SRGAP3: variants seen among roughly 807,000 people sequenced by gnomAD.
SRGAP3 encodes SLIT-ROBO Rho GTPase-activating protein 3.
In SRGAP3, 39 loss-of-function variants were observed where a neutral mutation model predicts 121.1. The ratio of observed to expected loss-of-function variants is 0.32; its 90% CI spans 0.25 to 0.42. The LOEUF (loss-of-function observed/expected upper bound fraction) is 0.42. Ranked by LOEUF, SRGAP3 falls within the 10% of genes least tolerant of loss-of-function variation. SRGAP3 has a pLI of 1.00. For synonymous variants in SRGAP3, 601 were observed against 570.0 expected, an observed-to-expected ratio of 1.05 and a Z score of -0.77; for missense variants, 1,213 against 1,470.6, an observed-to-expected ratio of 0.82 and a Z score of 2.86.
chr3:9,349,827 A>C (rs2029986059), intron 1 of SRGAP3: 1 of 152,230 alleles, frequency 6.6e-6, no homozygotes, highest in South Asian at 2.1e-4. Context: ...CCTCATACCA[A>C]CATGGAATAA....
rs781397750 is a variant in SRGAP3 at position 8,992,988 on chromosome 3, C to G, written c.2476G>C (p.Asp826His). The G allele has an allele frequency of 3.1e-6, 5 of 1,614,236 alleles. No individual in the cohort carries two copies. The highest frequency in any genetic ancestry group is 4.2e-6 in the Non-Finnish European group (5 of 1,180,048). ...TCGTTTTTGGAAGAGGCCTTGTCAT[C>G]CAGCAATGGCCCACTGCTGGCCTCG... ...DSEASSGPLL[D>H]DKASSKNDLQ... The change falls in exon 20 of 22, where the codon GAT becomes CAT. Residue 826 changes from aspartate to histidine, a missense_variant. This residue lies in a region of SRGAP3 where 420 missense variants were observed against 437.7 expected (regional missense o/e 0.96). Transcript: ENST00000383836.
At chr3:9,304,150 T>G (rs1359473316) in intron 3 of SRGAP3, among the ~76,000 whole-genome samples, 1 of 152,136 alleles carries the variant, frequency 6.6e-6, no homozygotes, top group Non-Finnish European at 1.5e-5. Flanking sequence ...AACAGTAACT[T>G]CCCCTTCAGC....
At chr3:9,277,607 C>CAAAA (rs35955575) in intron 3 of SRGAP3, among the ~76,000 whole-genome samples, 6 of 59,792 alleles carry the variant, frequency 1.0e-4, no homozygotes, top group African/African-American at 4.5e-4. Context: ...GAAGCCATCT[C>CAAAA]AAAAAAAAAA....
intron 3 of SRGAP3, among the ~76,000 whole-genome samples, chr3:9,280,975 GT>G (rs1242041680): frequency 2.0e-5 from 3 of 152,188 alleles, no homozygotes; most frequent in Non-Finnish European, 2.9e-5. Flanking sequence ...ATTGTTGGGG[GT>G]GGTGGGAGTC....
intron 18 of SRGAP3, chr3:9,006,915 A>T (rs1943107715): frequency 1.3e-5 from 2 of 150,220 alleles, no homozygotes; most frequent in African/African-American, 2.5e-5. Flanking sequence ...GACTTATCAG[A>T]CTCAAGACAG....
chr3:9,079,727 C>T (rs922017041), intron 4 of SRGAP3, among the ~76,000 whole-genome samples: 1 of 152,206 alleles, frequency 6.6e-6, no homozygotes, highest in Non-Finnish European at 1.5e-5. Flanking sequence ...CACACTCCCC[C>T]GGCCTTGACT....
intron 1 of SRGAP3, among the ~76,000 whole-genome samples, chr3:9,170,410 G>A (rs1316995879): frequency 6.6e-6 from 1 of 152,128 alleles, no homozygotes; most frequent in African/African-American, 2.4e-5. Flanking sequence ...GGGGAGCAGC[G>A]GGGTGGGGGC....
chr3:8,993,070 G>T lies in SRGAP3; in HGVS notation c.2409-15C>A, dbSNP rs761249299. On this transcript the variant is annotated splice_polypyrimidine_tract_variant and intron_variant, in intron 19 of 21. Transcript: ENST00000383836. ...AGGCATCATCCCTGGGGAGAAGACAGACATGAATTGGAGGCACCTTCCCCC... is the reference window on the plus strand; with the variant it reads ...AGGCATCATCCCTGGGGAGAAGACATACATGAATTGGAGGCACCTTCCCCC... 2 of 1,613,556 alleles carry T rather than the reference G, an allele frequency of 1.2e-6. No homozygotes were observed. The highest frequency in any genetic ancestry group is 2.7e-5 in the African/African-American group (2 of 74,934).
chr3:9,249,412 TCA>T lies in SRGAP3; in HGVS notation c.-463_-462del, dbSNP rs1343773786. The T allele has an allele frequency of 2.7e-5, 7 of 262,434 alleles. No individual in the cohort carries two copies. Among genetic ancestry groups the T allele is most frequent in the Non-Finnish European group, 3.7e-5 (5 of 135,334 alleles). The allele number at this position is 262,434 out of a possible 1,614,324, so 16.3% of individuals were successfully genotyped here. On this transcript the variant is annotated 5_prime_UTR_variant, in exon 1 of 22. The change creates a premature stop within an existing upstream ORF in the 5' untranslated region. Coordinates refer to ENST00000383836, the MANE Select transcript of SRGAP3 (RefSeq NM_014850.4). ...CACGCACACACACTCGCTGGATCACTCACACACACACATCCACGAGAGGCGCG... is the reference window on the plus strand; with the variant it reads ...CACGCACACACACTCGCTGGATCACTCACACACACATCCACGAGAGGCGCG...
intron 1 of SRGAP3, among the ~76,000 whole-genome samples, chr3:9,355,540 C>A (rs1294907984): frequency 6.6e-6 from 1 of 152,198 alleles, no homozygotes; most frequent in Non-Finnish European, 1.5e-5. Flanking sequence ...CTGGGATGCT[C>A]CCCTCCTGGC....
At chr3:9,233,595 C>A (rs1953304745) in intron 1 of SRGAP3, among the ~76,000 whole-genome samples, 2 of 152,138 alleles carry the variant, frequency 1.3e-5, no homozygotes, top group South Asian at 4.1e-4. Flanking sequence ...ATTTTGATGA[C>A]TTCTGACCCT....
At position 8,985,184 on chromosome 3, in the gene SRGAP3, G is replaced by A; in HGVS notation, c.*335C>T. 1 of 442,960 alleles carries A rather than the reference G, an allele frequency of 2.3e-6. No individual in the cohort carries two copies. The highest frequency in any genetic ancestry group is 2.0e-5 in the African/African-American group (1 of 50,674). 27.4% of individuals were successfully genotyped at this position (442,960 alleles called of 1,614,324 possible). ...TCGATATACACACACATATACGTATGTAGAGAGAATGTCGAGAGAGGAAGT... is the reference window on the plus strand; with the variant it reads ...TCGATATACACACACATATACGTATATAGAGAGAATGTCGAGAGAGGAAGT... On this transcript the variant is annotated 3_prime_UTR_variant, in exon 22 of 22. Coordinates refer to ENST00000383836, the MANE Select transcript of SRGAP3 (RefSeq NM_014850.4). The surrounding 1 kb of genome is among the most constrained non-coding windows in gnomAD (Gnocchi z 5.1).
intron 2 of SRGAP3, among the ~76,000 whole-genome samples, chr3:9,120,189 A>G (rs1444814427): frequency 1.3e-5 from 2 of 152,232 alleles, no homozygotes; most frequent in East Asian, 1.9e-4. Flanking sequence ...GGTCTGGCAC[A>G]TGGTAGGTGC....
chr3:9,066,268 A>G (rs190884030), intron 4 of SRGAP3, among the ~76,000 whole-genome samples: 102 of 152,298 alleles, frequency 6.7e-4, no homozygotes, highest in African/African-American at 1.9e-3. Context: ...GCTAAGAAAC[A>G]AAGAAACTTC....
chr3:9,323,475 G>A (rs1361248001), intron 3 of SRGAP3, among the ~76,000 whole-genome samples: 3 of 151,660 alleles, frequency 2.0e-5, no homozygotes, highest in East Asian at 1.9e-4. Flanking sequence ...AATATGCAGC[G>A]TTTCTCTAAT....
At position 9,101,218 on chromosome 3, in the gene SRGAP3, A is replaced by T. The variant is rs565091256; in HGVS notation, c.423+3462T>A. On this transcript the variant is annotated intron_variant, in intron 3 of 21. Transcript: ENST00000383836. ...AGGCGTACAGCTGCTGTAGAGGATGATAAAAGGGCTGGAAAAGAGAGTCCA... is the reference window on the plus strand; with the variant it reads ...AGGCGTACAGCTGCTGTAGAGGATGTTAAAAGGGCTGGAAAAGAGAGTCCA... Among the ~76,000 whole-genome samples the T allele has an allele frequency of 2.6e-5, 4 of 152,364 alleles. No individual in the cohort carries two copies. The East Asian group carries it at 7.7e-4, about 29-fold the overall frequency.
chr3:9,098,367 A>G (rs939881957), intron 3 of SRGAP3, among the ~76,000 whole-genome samples: 2 of 152,144 alleles, frequency 1.3e-5, no homozygotes, highest in Admixed American at 6.5e-5. Flanking sequence ...AACTTCCTGG[A>G]CTCAAATGAT....
At chr3:9,013,993 C>A (rs1281072996) in intron 15 of SRGAP3, 151 bp from the exon 16 acceptor site, 4 of 733,072 alleles carry the variant, frequency 5.5e-6, no homozygotes, top group Admixed American at 4.0e-5. Flanking sequence ...CCTGGCCTGG[C>A]CAATCAGAGC....
chr3:9,346,567 A>G (rs577930604), intron 1 of SRGAP3, among the ~76,000 whole-genome samples: 4 of 152,086 alleles, frequency 2.6e-5, no homozygotes, highest in Non-Finnish European at 5.9e-5. Context: ...TTTTGACCCA[A>G]TTAAGTGAGC....
Sources: allele counts gnomAD v4.1 joint callset (sites outside exome capture counted in the v4.1 genomes callset), GRCh38; gene constraint gnomAD v4.1.1; regional missense constraint gnomAD v4.1.1; non-coding constraint Gnocchi (gnomAD v3.1); transcripts MANE v1.5; gene names NCBI Gene and HGNC (gene_info 2026-07-23, HGNC 2026-07-21).